Variants in LRP1B observed in about 807,000 individuals in gnomAD.
LRP1B encodes low-density lipoprotein receptor-related protein 1B.
LRP1B carries 217 observed loss-of-function variants against 556.6 expected under a neutral mutation model. The ratio of observed to expected loss-of-function variants is 0.39; its 90% confidence interval spans 0.35 to 0.44. The LOEUF (loss-of-function observed/expected upper bound fraction) is 0.44. Among genes scored for constraint, LRP1B ranks in the 20% least tolerant of loss-of-function variants. The probability of loss-of-function intolerance (pLI) is 1.00; values close to 1 mark genes in which losing one functional copy is unlikely to be tolerated. For missense variants in LRP1B, 5,053 were observed against 5,620.8 expected, an observed-to-expected ratio of 0.90 and a Z score of 3.23; for synonymous variants, 2,047 against 1,865.8, an observed-to-expected ratio of 1.10 and a Z score of -2.50.
At chr2:140,481,005 TACAGGCCTGTGTCA>T (rs1688214411) in intron 59 of LRP1B, among the ~76,000 whole-genome samples, 2 of 152,074 alleles carry the variant, frequency 1.3e-5, no homozygotes. Context: ...TAGCTGGGAT[TACAGGCCTGTGTCA>T]ACAGGCCTGG....
intron 2 of LRP1B, among the ~76,000 whole-genome samples, chr2:141,498,268 A>G (rs1457841752): frequency 2.9e-5 from 3 of 102,238 alleles, no homozygotes; most frequent in African/African-American, 8.5e-5. Context: ...GTCTGAAATG[A>G]ACTCCTTCAT....
intron 6 of LRP1B, among the ~76,000 whole-genome samples, chr2:141,197,591 T>A (rs187615973): frequency 5.8e-4 from 89 of 152,212 alleles, no homozygotes; most frequent in African/African-American, 2.1e-3. Flanking sequence ...CCAGAACTAT[T>A]TCAAGCAGGG....
intron 7 of LRP1B, among the ~76,000 whole-genome samples, chr2:141,080,986 T>C (rs933722036): frequency 6.6e-6 from 1 of 152,044 alleles, no homozygotes; most frequent in Non-Finnish European, 1.5e-5. Flanking sequence ...GCACACACCA[T>C]CATGCCAGAC....
chr2:141,619,007 A>AT (rs1210562255), intron 2 of LRP1B, among the ~76,000 whole-genome samples: 1 of 152,192 alleles, frequency 6.6e-6, no homozygotes, highest in African/African-American at 2.4e-5. Flanking sequence ...AGTTTCAAGG[A>AT]TTTTATCTGC....
At chr2:141,890,350 A>G (rs1388226909) in intron 1 of LRP1B, among the ~76,000 whole-genome samples, 3 of 124,408 alleles carry the variant, frequency 2.4e-5, no homozygotes, top group Non-Finnish European at 3.3e-5. Context: ...ATATATATAT[A>G]TGTATTGTGC....
intron 1 of LRP1B, among the ~76,000 whole-genome samples, chr2:142,021,732 T>C (rs957770404): frequency 6.6e-6 from 1 of 152,136 alleles, no homozygotes; most frequent in African/African-American, 2.4e-5. Context: ...ACAGGAAAAG[T>C]AGAATATTTT....
intron 6 of LRP1B, among the ~76,000 whole-genome samples, chr2:141,202,952 C>G (rs1262456242): frequency 2.0e-5 from 3 of 151,944 alleles, no homozygotes; most frequent in African/African-American, 4.8e-5. Flanking sequence ...GTGTTCAACT[C>G]CCAATTATGA....
chr2:140,599,782 C>T (rs1682582591), intron 42 of LRP1B, among the ~76,000 whole-genome samples: 1 of 151,976 alleles, frequency 6.6e-6, no homozygotes, highest in Non-Finnish European at 1.5e-5. Flanking sequence ...CCTTTCATTT[C>T]CCCCCTTCAT....
chr2:140,262,467 A>G (rs1295819651), intron 86 of LRP1B, among the ~76,000 whole-genome samples: 1 of 152,198 alleles, frequency 6.6e-6, no homozygotes, highest in East Asian at 1.9e-4. Flanking sequence ...CTACACCAAC[A>G]GTAATGGACG....
At chr2:141,712,644 CATTAACT>C (rs1692403928) in intron 2 of LRP1B, among the ~76,000 whole-genome samples, 1 of 151,828 alleles carries the variant, frequency 6.6e-6, no homozygotes, top group Admixed American at 6.6e-5. Context: ...GCTCAGTAAA[CATTAACT>C]ATTATTATTA....
intron 3 of LRP1B, among the ~76,000 whole-genome samples, chr2:141,306,719 G>T (rs1158128415): frequency 6.6e-6 from 1 of 151,500 alleles, no homozygotes; most frequent in African/African-American, 2.4e-5. Flanking sequence ...TAATTTATTT[G>T]AAATCTTTCT....
intron 23 of LRP1B, among the ~76,000 whole-genome samples, chr2:140,899,354 T>C (rs1306658456): frequency 1.3e-5 from 2 of 152,110 alleles, no homozygotes; most frequent in African/African-American, 2.4e-5. Flanking sequence ...GGTATGACAA[T>C]GAGCAAGGTT....
intron 7 of LRP1B, among the ~76,000 whole-genome samples, chr2:141,137,738 A>G (rs1039164541): frequency 6.6e-6 from 1 of 151,952 alleles, no homozygotes; most frequent in African/African-American, 2.4e-5. Context: ...AATAGGGGCA[A>G]TGTTGGTATT....
chr2:141,427,855 T>C (rs892950600), intron 3 of LRP1B, among the ~76,000 whole-genome samples: 1 of 152,316 alleles, frequency 6.6e-6, no homozygotes, highest in African/African-American at 2.4e-5. Context: ...AAATGCTTTC[T>C]TAGTATTGCA....
At chr2:140,359,475 T>C (rs1422196416) in intron 72 of LRP1B, among the ~76,000 whole-genome samples, 1 of 151,732 alleles carries the variant, frequency 6.6e-6, no homozygotes, top group Admixed American at 6.6e-5. Context: ...GTTATTCATC[T>C]TTAAAGTACA....
intron 1 of LRP1B, among the ~76,000 whole-genome samples, chr2:142,035,528 C>T (rs190936563): frequency 6.6e-6 from 1 of 151,652 alleles, no homozygotes; most frequent in Admixed American, 6.6e-5. Context: ...CACTGTAACA[C>T]CCACTACAGC....
chr2:140,709,181 C>G (rs1686943254), intron 37 of LRP1B, among the ~76,000 whole-genome samples: 1 of 151,770 alleles, frequency 6.6e-6, no homozygotes, highest in Admixed American at 6.6e-5. Flanking sequence ...AAATACAGAG[C>G]TAAATTAAGA....
intron 2 of LRP1B, among the ~76,000 whole-genome samples, chr2:141,568,897 G>T (rs776040896): frequency 2.0e-5 from 3 of 149,038 alleles, no homozygotes; most frequent in African/African-American, 7.3e-5. Context: ...GGGATCACAG[G>T]TGTGTGCCAC....
intron 4 of LRP1B, among the ~76,000 whole-genome samples, chr2:141,250,861 T>G (rs1170431179): frequency 1.3e-5 from 2 of 152,164 alleles, no homozygotes; most frequent in African/African-American, 4.8e-5. Context: ...CAGAGTGATA[T>G]GACAATAAAG....
Sources: allele counts gnomAD v4.1 joint callset (sites outside exome capture counted in the v4.1 genomes callset), GRCh38; gene constraint gnomAD v4.1.1; transcripts MANE v1.5; gene names NCBI Gene and HGNC (gene_info 2026-07-23, HGNC 2026-07-21).